PRDM16: variants seen among roughly 807,000 people sequenced by gnomAD.
PRDM16 encodes the protein PR/SET domain 16, also known as histone-lysine N-methyltransferase PRDM16.
A neutral mutation model predicts 110.6 loss-of-function variants in PRDM16; 23 were observed. The observed-to-expected ratio is 0.21, with a 90% CI of 0.15 to 0.29. PRDM16 has a LOEUF of 0.29. Among genes scored for constraint, PRDM16 ranks in the 10% least tolerant of loss-of-function variants. PRDM16 has a pLI of 1.00. For missense variants in PRDM16, 1,615 were observed against 1,794.3 expected (o/e 0.90, Z 1.81); for synonymous variants, 799 against 781.8 (o/e 1.02, Z -0.37).
chr1:3,233,046 A>G (rs780938627), intron 2 of PRDM16, among the ~76,000 whole-genome samples: 43 of 152,276 alleles, frequency 2.8e-4, no homozygotes, highest in Non-Finnish European at 8.8e-5. Flanking sequence ...GGGTTGAGAT[A>G]AAAGATAAAT....
chr1:3,409,834 G>GGTGTGTGGTGTGTGTATGTGCAT (rs150742635), intron 8 of PRDM16, among the ~76,000 whole-genome samples: 32 of 125,930 alleles, frequency 2.5e-4, no homozygotes, highest in Non-Finnish European at 3.5e-4. Context: ...GTTGTGTGTG[G>GGTGTGTGGTGTGTGTATGTGCAT]GTGTGTGGTG....
At chr1:3,250,473 C>A (rs1639904399) in intron 3 of PRDM16, among the ~76,000 whole-genome samples, 1 of 152,176 alleles carries the variant, frequency 6.6e-6, no homozygotes, top group Admixed American at 6.5e-5. Context: ...GCCGCCCCCC[C>A]ACCGCCATTC....
chr1:3,171,329 G>A (rs528054342), intron 1 of PRDM16, among the ~76,000 whole-genome samples: 2 of 152,346 alleles, frequency 1.3e-5, no homozygotes, highest in South Asian at 4.1e-4. Context: ...GCAGAGCCAG[G>A]GAAAGGGAAG....
intron 10 of PRDM16, among the ~76,000 whole-genome samples, chr1:3,416,347 C>T (rs561287867): frequency 1.7e-4 from 26 of 152,276 alleles, no homozygotes; most frequent in South Asian, 1.5e-3. Flanking sequence ...ACCCCAGCCG[C>T]GTGATGGGAT....
intron 1 of PRDM16, among the ~76,000 whole-genome samples, chr1:3,075,728 C>T (rs1204050209): frequency 2.0e-5 from 3 of 152,284 alleles, no homozygotes; most frequent in Non-Finnish European, 4.4e-5. Context: ...GTGCCGTTTC[C>T]GAACCTGCAC....
intron 3 of PRDM16, among the ~76,000 whole-genome samples, chr1:3,311,039 G>T (rs1291495796): frequency 6.6e-6 from 1 of 152,140 alleles, no homozygotes; most frequent in Non-Finnish European, 1.5e-5. Context: ...GGTGGTGGTG[G>T]CAGGATGCAG....
chr1:3,377,876 G>A (rs953095881), intron 3 of PRDM16, among the ~76,000 whole-genome samples: 3 of 152,208 alleles, frequency 2.0e-5, no homozygotes, highest in African/African-American at 4.8e-5. Flanking sequence ...GCATCTGTTC[G>A]TTCGTCTACC....
intron 12 of PRDM16, 112 bp downstream of exon 12, chr1:3,418,856 G>A: frequency 1.2e-6 from 1 of 808,144 alleles, no homozygotes; most frequent in Non-Finnish European, 2.1e-6. Flanking sequence ...GGAGTGAGCA[G>A]GCAGTGGGCA....
chr1:3,228,560 A>G (rs1026980232), intron 2 of PRDM16, among the ~76,000 whole-genome samples: 1 of 152,174 alleles, frequency 6.6e-6, no homozygotes, highest in African/African-American at 2.4e-5. Context: ...AGATGGGCAT[A>G]AAGTTGAATG....
At chr1:3,197,479 C>G (rs912993724) in intron 2 of PRDM16, among the ~76,000 whole-genome samples, 3 of 152,238 alleles carry the variant, frequency 2.0e-5, no homozygotes, top group Non-Finnish European at 2.9e-5. Context: ...TGAGAGGCAG[C>G]TCATTCACCT....
chr1:3,128,612 G>C (rs1175099309), intron 1 of PRDM16, among the ~76,000 whole-genome samples: 1 of 152,194 alleles, frequency 6.6e-6, no homozygotes, highest in Non-Finnish European at 1.5e-5. Context: ...CGGCCACGGT[G>C]ACCGGCCGGT....
At chr1:3,318,468 GTTGA>G (rs1641663220) in intron 3 of PRDM16, among the ~76,000 whole-genome samples, 4 of 152,162 alleles carry the variant, frequency 2.6e-5, no homozygotes, top group South Asian at 2.1e-4. Flanking sequence ...CCTATCATCT[GTTGA>G]TTGATTATCA....
chr1:3,199,806 G>A (rs1638573162), intron 2 of PRDM16, among the ~76,000 whole-genome samples: 1 of 152,178 alleles, frequency 6.6e-6, no homozygotes, highest in South Asian at 2.1e-4. Flanking sequence ...CTCCCACATG[G>A]ACACGAGCAC....
chr1:3,419,400 G>A (rs1638368841), intron 12 of PRDM16, among the ~76,000 whole-genome samples: 1 of 152,192 alleles, frequency 6.6e-6, no homozygotes, highest in Non-Finnish European at 1.5e-5. Context: ...ATTGAATTTG[G>A]GGCTCACAAC....
At position 3,390,834 on chromosome 1, in the gene PRDM16, G is replaced by GTT. The variant is rs34675402; in HGVS notation, c.573+5566_573+5567dup. The stretch of plus-strand genomic sequence containing the variant: ...CCTTTGCTTTTATCTCTCACAGTGT[G>GTT]TTTTTTTTTTTTTTTTTTTAGACAG... On this transcript the variant is annotated intron_variant, in intron 4 of 16. Coordinates refer to ENST00000270722, the MANE Select transcript of PRDM16 (RefSeq NM_022114.4). The surrounding 1 kb of genome is among the most constrained non-coding windows in gnomAD (Gnocchi z 5.0). Among the ~76,000 whole-genome samples, 703 of 125,650 alleles carry GTT rather than the reference G, an allele frequency of 5.6e-3. 18 individuals carry two copies. Among genetic ancestry groups the GTT allele is most frequent in the African/African-American group, 0.017 (556 of 33,518 alleles). The allele number at this position is 125,650 out of a possible 152,430, so 82.4% of individuals were successfully genotyped here. A position where few individuals can be genotyped will look rare whatever the true frequency, so the allele number is the denominator to read the frequency against.
At chr1:3,221,779 A>G (rs1347970043) in intron 2 of PRDM16, among the ~76,000 whole-genome samples, 1 of 152,262 alleles carries the variant, frequency 6.6e-6, no homozygotes, top group Non-Finnish European at 1.5e-5. Context: ...ATGCGTGTCT[A>G]GGCACATGTA....
At position 3,354,066 on chromosome 1, in the gene PRDM16, G is replaced by T. The variant is rs569959547; in HGVS notation, c.439-31086G>T. On this transcript the variant is annotated intron_variant, in intron 3 of 16. Transcript: ENST00000270722. The stretch of plus-strand genomic sequence containing the variant: ...GTCCTGGTCCAGGCACTTGTCTCCC[G>T]TGAATTCCAGAGAGAAACCTTAAGC... Among the ~76,000 whole-genome samples, 37 of 152,296 alleles carry T rather than the reference G, an allele frequency of 2.4e-4. No individual in the cohort carries two copies. In the South Asian group the frequency reaches 7.7e-3, roughly 32 times the overall value.
chr1:3,104,692 T>C (rs897822686), intron 1 of PRDM16, among the ~76,000 whole-genome samples: 2 of 152,136 alleles, frequency 1.3e-5, no homozygotes, highest in Admixed American at 1.3e-4. Flanking sequence ...CAGGCCCCTC[T>C]GGGCTACAAA....
intron 2 of PRDM16, among the ~76,000 whole-genome samples, chr1:3,231,909 A>G (rs918701201): frequency 3.0e-4 from 45 of 152,210 alleles, no homozygotes; most frequent in Admixed American, 2.9e-3. Flanking sequence ...CCACAGTTGC[A>G]TGGACGTTGC....
Sources: gnomAD v4.1 joint callset for allele counts (sites outside exome capture counted in the v4.1 genomes callset) on GRCh38, gnomAD v4.1.1 for gene constraint, Gnocchi (gnomAD v3.1) non-coding constraint, MANE v1.5 for transcripts, NCBI Gene and HGNC (gene_info 2026-07-23, HGNC 2026-07-21) for gene names.